The following MTREX variants were observed in gnomAD, a reference collection of about 807,000 sequenced individuals.
The protein encoded by MTREX is exosome RNA helicase MTR4.
In MTREX, 76 loss-of-function variants were observed where a neutral mutation model predicts 135.4. The observed-to-expected ratio is 0.56, with a 90% CI of 0.47 to 0.68. MTREX has a LOEUF of 0.68. MTREX is among the 30% of genes least tolerant of loss of function. The pLI is 0.00. For synonymous variants in MTREX, 404 were observed against 401.6 expected (o/e 1.01, Z -0.07); for missense variants, 920 against 1,262.1 (o/e 0.73, Z 4.11).
chr5:55,423,095 C>A, intron 26 of MTREX, 113 bp downstream of exon 26: 1 of 733,794 alleles, frequency 1.4e-6, no homozygotes, highest in South Asian at 1.7e-5. Flanking sequence ...ACTGCATTGT[C>A]ATGGAGAGCT....
intron 16 of MTREX, among the ~76,000 whole-genome samples, chr5:55,372,462 G>C (rs1219306701): frequency 6.7e-6 from 1 of 149,914 alleles, no homozygotes; most frequent in East Asian, 2.0e-4. Context: ...GAGCTATACT[G>C]TTAGCTAAGT....
chr5:55,379,126 G>A lies in MTREX; in HGVS notation c.1984-1G>A. Reference sequence around the variant, plus strand: ...GCTTACTTGCTTTTCTTTCTTTTTAGGTAAAGAATGAAGGAGATGACTTTG... The same window carrying A: ...GCTTACTTGCTTTTCTTTCTTTTTAAGTAAAGAATGAAGGAGATGACTTTG... On this transcript the variant is annotated splice_acceptor_variant, in intron 17 of 26. Coordinates refer to ENST00000230640, the MANE Select transcript of MTREX (RefSeq NM_015360.5). LOFTEE classifies it high-confidence loss of function. The A allele has an allele frequency of 2.5e-6, 4 of 1,605,700 alleles. No homozygotes were observed. Among genetic ancestry groups the A allele is most frequent in the Non-Finnish European group, 3.4e-6 (4 of 1,174,802 alleles).
intron 1 of MTREX, among the ~76,000 whole-genome samples, chr5:55,309,755 A>G (rs1245922375): frequency 1.3e-5 from 2 of 152,158 alleles, no homozygotes; most frequent in African/African-American, 4.8e-5. Context: ...ATATCATTTG[A>G]ATTGGTCTCC....
intron 25 of MTREX, among the ~76,000 whole-genome samples, chr5:55,418,518 C>T (rs1369010498): frequency 1.3e-5 from 2 of 150,038 alleles, no homozygotes; most frequent in Non-Finnish European, 3.0e-5. Context: ...TTCAGTTACT[C>T]AGGGGCTATT....
At position 55,366,375 on chromosome 5, in the gene MTREX, G is replaced by T. The variant is rs559238143; in HGVS notation, c.1660-350G>T. 5.3e-5 allele frequency among the ~76,000 whole-genome samples: 8 copies of T among 152,034 alleles called. No homozygotes were observed. The South Asian group carries it at 1.2e-3, about 24-fold the overall frequency. ...GATGGTGGCACATGCTTGTAATCAC[G>T]GCTGCTCAGGAGGCTAAGACTGGAG... On this transcript the variant is annotated intron_variant, in intron 15 of 26. Coordinates refer to ENST00000230640, the MANE Select transcript of MTREX (RefSeq NM_015360.5).
intron 21 of MTREX, among the ~76,000 whole-genome samples, chr5:55,402,237 G>A (rs1750732698): frequency 6.6e-6 from 1 of 152,206 alleles, no homozygotes; most frequent in Admixed American, 6.5e-5. Context: ...GTGCTGCTAG[G>A]CAGGAAGCTT....
At chr5:55,311,142 A>G (rs1368383809) in intron 1 of MTREX, among the ~76,000 whole-genome samples, 1 of 152,206 alleles carries the variant, frequency 6.6e-6, no homozygotes, top group African/African-American at 2.4e-5. Flanking sequence ...TATATATAAA[A>G]CAGTATGAAG....
At chr5:55,358,102 T>G (rs1228300619) in intron 14 of MTREX, among the ~76,000 whole-genome samples, 2 of 152,180 alleles carry the variant, frequency 1.3e-5, no homozygotes, top group African/African-American at 4.8e-5. Flanking sequence ...TTTGGGAGGC[T>G]GAGGCGGGCA....
At chr5:55,386,225 A>T (rs950776570) in intron 18 of MTREX, among the ~76,000 whole-genome samples, 2 of 152,208 alleles carry the variant, frequency 1.3e-5, no homozygotes, top group Non-Finnish European at 2.9e-5. Context: ...CAAGCTCGGG[A>T]TTACCAAATT....
intron 7 of MTREX, 28 bp downstream of exon 7, chr5:55,341,799 T>C (rs1013358921): frequency 9.3e-7 from 1 of 1,074,932 alleles, no homozygotes; most frequent in South Asian, 1.6e-5. Context: ...ATGTATATCA[T>C]GTATTTCCCT....
At chr5:55,339,398 A>G (rs10077595) in intron 5 of MTREX, among the ~76,000 whole-genome samples, 19,754 of 152,186 alleles carry the variant, frequency 0.13, 1,530 homozygotes, top group East Asian at 0.26. Flanking sequence ...TAATAAGCCT[A>G]TTCTGGGCAG....
intron 1 of MTREX, among the ~76,000 whole-genome samples, chr5:55,312,151 GT>G (rs1561182369): frequency 6.6e-6 from 1 of 152,036 alleles, no homozygotes; most frequent in Non-Finnish European, 1.5e-5. Context: ...GCGATTTTCT[GT>G]TTTTATCATT....
rs573543997 is a variant in MTREX at position 55,400,140 on chromosome 5, C to T, written c.2293-93C>T. 985 of 873,728 alleles carry T rather than the reference C, an allele frequency of 1.1e-3. 6 individuals are homozygous for T. The highest frequency in any genetic ancestry group is 0.01 in the Middle Eastern group (29 of 2,890). The allele number at this position is 873,728 out of a possible 1,614,324, so 54.1% of individuals were successfully genotyped here. A position where few individuals can be genotyped will look rare whatever the true frequency, so the allele number is the denominator to read the frequency against. On this transcript the variant is annotated intron_variant, in intron 20 of 26. Coordinates refer to ENST00000230640, the MANE Select transcript of MTREX (RefSeq NM_015360.5). ...TATATATGTAGTATACTTTTTATGT[C>T]CATGTGCATAGAAAAAAAGGGAAAC...
intron 14 of MTREX, among the ~76,000 whole-genome samples, chr5:55,354,922 C>G (rs1330135383): frequency 1.3e-5 from 2 of 152,206 alleles, no homozygotes; most frequent in Non-Finnish European, 2.9e-5. Flanking sequence ...GGGACTCCCT[C>G]TAGCCTGAGA....
Position 55,317,363 on chromosome 5 carries a change from A to G in MTREX, c.135-4964A>G, listed in dbSNP as rs575424363. On this transcript the variant is annotated intron_variant, in intron 1 of 26. Transcript: ENST00000230640. ...AAGAACAAAGCTGGAGAGGCATCAC[A>G]TTACCCTACTTCAAACTATACTACA... 4.6e-5 allele frequency among the ~76,000 whole-genome samples: 7 copies of G among 152,320 alleles called. No individual in the cohort carries two copies. The East Asian group carries it at 1.2e-3, about 25-fold the overall frequency.
In MTREX at chr5:55,425,403, C is replaced by G; in HGVS notation, c.*631C>G. 1 of 1,373,260 alleles carries G rather than the reference C, an allele frequency of 7.3e-7. No homozygotes were observed. The highest frequency in any genetic ancestry group is 1.0e-6 in the Non-Finnish European group (1 of 996,894). 85.1% of individuals were successfully genotyped at this position (1,373,260 alleles called of 1,614,324 possible). On this transcript the variant is annotated 3_prime_UTR_variant, in exon 27 of 27. Coordinates refer to ENST00000230640, the MANE Select transcript of MTREX (RefSeq NM_015360.5). Reference sequence around the variant, plus strand: ...AAACTACATACAAAGTTGTGATCAACAGCATCCTAAGATAAATATAAACAA... The same window carrying G: ...AAACTACATACAAAGTTGTGATCAAGAGCATCCTAAGATAAATATAAACAA...
chr5:55,340,012 A>G lies in MTREX; in HGVS notation c.518A>G (p.Tyr173Cys). ...ATTATTTGTTTTCACATTTGTAGGT[A>G]TGCCATTGCATTGGCCTTAAGGGAA... is the stretch of plus-strand genomic sequence containing the variant. ...TSAGKTVCAE[Y>C]AIALALREKQ... The change falls in exon 6 of 27, where the codon TAT becomes TGT. Residue 173 changes from tyrosine (Y) to cysteine (C), a missense_variant and splice_region_variant. Coordinates refer to ENST00000230640, the MANE Select transcript of MTREX (RefSeq NM_015360.5). 1 of 1,513,844 alleles carries G rather than the reference A, an allele frequency of 6.6e-7. No homozygotes were observed. Among genetic ancestry groups the G allele is most frequent in the Non-Finnish European group, 8.8e-7 (1 of 1,130,410 alleles). 93.8% of individuals were successfully genotyped at this position (1,513,844 alleles called of 1,614,324 possible). A position where few individuals can be genotyped will look rare whatever the true frequency, so the allele number is the denominator to read the frequency against.
At chr5:55,418,430 G>A (rs113645108) in intron 25 of MTREX, among the ~76,000 whole-genome samples, 364 of 145,632 alleles carry the variant, frequency 2.5e-3, no homozygotes, top group African/African-American at 9.1e-3. Context: ...AAGATGGTTT[G>A]TAGCTCATAC....
intron 4 of MTREX, 50 bp from the exon 5 acceptor site, chr5:55,328,649 C>T (rs1273467756): frequency 1.6e-6 from 2 of 1,272,628 alleles, no homozygotes; most frequent in Admixed American, 3.4e-5. Context: ...TAAGTATGCT[C>T]TGATACAACT....
Sources: gnomAD v4.1 joint callset for allele counts (sites outside exome capture counted in the v4.1 genomes callset) on GRCh38, gnomAD v4.1.1 for gene constraint, MANE v1.5 for transcripts, NCBI Gene and HGNC (gene_info 2026-07-23, HGNC 2026-07-21) for gene names.